MGAT4C: variants seen among roughly 807,000 people sequenced by gnomAD.
The protein encoded by MGAT4C is alpha-1,3-mannosyl-glycoprotein 4-beta-N-acetylglucosaminyltransferase C.
A neutral mutation model predicts 40.1 loss-of-function variants in MGAT4C; 19 were observed. The ratio of observed to expected loss-of-function variants is 0.47; its 90% CI spans 0.33 to 0.70. MGAT4C has a LOEUF of 0.70. MGAT4C is among the 30% of genes least tolerant of loss of function. The probability of loss-of-function intolerance (pLI) is 0.02; values close to 1 mark genes in which losing one functional copy is unlikely to be tolerated. For synonymous variants in MGAT4C, 181 were observed against 187.1 expected (o/e 0.97, Z 0.27); for missense variants, 491 against 563.2 (o/e 0.87, Z 1.30).
chr12:86,483,949 C>T (rs954153969), intron 2 of MGAT4C, among the ~76,000 whole-genome samples: 4 of 151,148 alleles, frequency 2.6e-5, no homozygotes, highest in African/African-American at 4.9e-5. Flanking sequence ...TTATTAAAGA[C>T]GCAAGGTAAA....
At chr12:86,179,909 G>T (rs757540925) in intron 1 of MGAT4C, among the ~76,000 whole-genome samples, 1 of 152,224 alleles carries the variant, frequency 6.6e-6, no homozygotes, top group Non-Finnish European at 1.5e-5. Flanking sequence ...ATTTGCATAA[G>T]TAGCAAAGAT....
chr12:86,683,901 C>A (rs1196967059), intron 2 of MGAT4C, among the ~76,000 whole-genome samples: 1 of 152,310 alleles, frequency 6.6e-6, no homozygotes, highest in East Asian at 1.9e-4. Flanking sequence ...CTAATTTCAA[C>A]ATGCTCTTGT....
intron 4 of MGAT4C, among the ~76,000 whole-genome samples, chr12:86,284,499 C>T (rs1953299125): frequency 6.6e-6 from 1 of 151,708 alleles, no homozygotes; most frequent in Admixed American, 6.6e-5. Flanking sequence ...AAAAAAATAC[C>T]CAAAAAACAA....
chr12:86,650,591 T>C (rs181185309), intron 2 of MGAT4C, among the ~76,000 whole-genome samples: 19 of 152,052 alleles, frequency 1.2e-4, no homozygotes, highest in African/African-American at 4.3e-4. Context: ...ATTTGACTTA[T>C]GATTCTCTTG....
chr12:86,011,978 T>C (rs1888504876), intron 2 of MGAT4C: 1 of 479,150 alleles, frequency 2.1e-6, no homozygotes, highest in African/African-American at 2.1e-5. Context: ...AATAACATTT[T>C]ATCTGCTAGA....
intron 3 of MGAT4C, among the ~76,000 whole-genome samples, chr12:86,429,275 A>G (rs576103106): frequency 6.6e-6 from 1 of 152,234 alleles, no homozygotes; most frequent in African/African-American, 2.4e-5. Context: ...ATTTTCTAAA[A>G]TTGCTACTGT....
intron 1 of MGAT4C, among the ~76,000 whole-genome samples, chr12:86,835,124 T>C (rs1953010706): frequency 6.6e-6 from 1 of 151,960 alleles, no homozygotes; most frequent in African/African-American, 2.4e-5. Context: ...ATGTGTTATG[T>C]TGAATTTATT....
intron 2 of MGAT4C, among the ~76,000 whole-genome samples, chr12:86,499,327 T>C (rs1460104301): frequency 6.6e-6 from 1 of 151,632 alleles, no homozygotes; most frequent in Non-Finnish European, 1.5e-5. Flanking sequence ...ATACAATATA[T>C]ATACATACTC....
upstream of MGAT4C, among the ~76,000 whole-genome samples, chr12:86,259,392 T>C (rs929991131): frequency 1.3e-5 from 2 of 152,012 alleles, no homozygotes; most frequent in Admixed American, 1.3e-4. Context: ...TTTTCTACTA[T>C]ACTAAAATAA....
At chr12:86,329,380 A>C (rs1954605561) in intron 4 of MGAT4C, among the ~76,000 whole-genome samples, 1 of 152,128 alleles carries the variant, frequency 6.6e-6, no homozygotes, top group Non-Finnish European at 1.5e-5. Flanking sequence ...CCAACTCCTT[A>C]AACTAGTATT....
At chr12:86,152,208 G>A (rs528421789) in intron 1 of MGAT4C, among the ~76,000 whole-genome samples, 4 of 152,294 alleles carry the variant, frequency 2.6e-5, no homozygotes, top group African/African-American at 9.6e-5. Context: ...TGTTTGTGCT[G>A]CTATAACAAA....
At chr12:86,816,362 C>T (rs942826850) in intron 1 of MGAT4C, among the ~76,000 whole-genome samples, 5 of 151,716 alleles carry the variant, frequency 3.3e-5, no homozygotes, top group East Asian at 1.9e-4. Flanking sequence ...AATTAGTTGA[C>T]GGTAAGCTAT....
chr12:85,958,617 T>C lies in MGAT4C; in HGVS notation c.*20672A>G, dbSNP rs1882943908. ...ATTTGTTAAATAAACAAAGTTAATT[T>C]TATCTACCTGTTCAGTAAGTGTTGG... On this transcript the variant is annotated 3_prime_UTR_variant, in exon 5 of 5. Coordinates refer to ENST00000611864, the MANE Select transcript of MGAT4C (RefSeq NM_001351288.2). 4 of 152,264 alleles carry C rather than the reference T, an allele frequency of 2.6e-5. No individual in the cohort carries two copies. The South Asian group carries it at 8.3e-4, about 32-fold the overall frequency. The allele number at this position is 152,264 out of a possible 1,614,324, so 9.4% of individuals were successfully genotyped here.
chr12:86,704,468 A>G (rs990702497), intron 2 of MGAT4C, among the ~76,000 whole-genome samples: 6 of 152,116 alleles, frequency 3.9e-5, no homozygotes, highest in African/African-American at 1.2e-4. Context: ...TATAATTTTT[A>G]TTAATAAATC....
chr12:86,295,417 C>T (rs1953640278), intron 4 of MGAT4C, among the ~76,000 whole-genome samples: 1 of 152,288 alleles, frequency 6.6e-6, no homozygotes, highest in South Asian at 2.1e-4. Context: ...TGGAGTTGTT[C>T]ATTCCTCCTG....
At chr12:86,050,027 T>C (rs1807717923) in intron 1 of MGAT4C, among the ~76,000 whole-genome samples, 1 of 152,000 alleles carries the variant, frequency 6.6e-6, no homozygotes, top group African/African-American at 2.4e-5. Flanking sequence ...TATAAGTCTC[T>C]TTTAATATTA....
chr12:86,418,690 T>G (rs1457929898), intron 3 of MGAT4C, among the ~76,000 whole-genome samples: 1 of 152,040 alleles, frequency 6.6e-6, no homozygotes, highest in African/African-American at 2.4e-5. Context: ...AAATGCATAT[T>G]TAGAGAATAT....
chr12:86,191,976 C>T (rs1489860835), intron 1 of MGAT4C, among the ~76,000 whole-genome samples: 1 of 149,864 alleles, frequency 6.7e-6, no homozygotes, highest in African/African-American at 2.4e-5. Flanking sequence ...CCATCATTCT[C>T]AGCAAACTAT....
chr12:86,437,557 C>T (rs1957157468), intron 2 of MGAT4C, among the ~76,000 whole-genome samples: 1 of 151,828 alleles, frequency 6.6e-6, no homozygotes, highest in African/African-American at 2.4e-5. Context: ...TTTACAAATA[C>T]AAGAACACAT....
Sources: allele counts gnomAD v4.1 joint callset (sites outside exome capture counted in the v4.1 genomes callset), GRCh38; gene constraint gnomAD v4.1.1; transcripts MANE v1.5; gene names NCBI Gene and HGNC (gene_info 2026-07-23, HGNC 2026-07-21).